Variants in SBF2 observed in about 807,000 individuals in gnomAD.
The protein encoded by SBF2 is SET binding factor 2, also known as myotubularin-related protein 13.
Under a neutral mutation model 225.2 loss-of-function variants are expected in SBF2, and 112 were observed. The ratio of observed to expected loss-of-function variants is 0.50; its 90% CI spans 0.43 to 0.58. The LOEUF (loss-of-function observed/expected upper bound fraction) is 0.58, where lower values mean the gene tolerates loss of function less well. Among genes scored for constraint, SBF2 ranks in the 20% least tolerant of loss-of-function variants. SBF2 has a pLI of 0.00. For synonymous variants in SBF2, 763 were observed against 773.3 expected, an observed-to-expected ratio of 0.99 and a Z score of 0.22; for missense variants, 1,996 against 2,206.2, an observed-to-expected ratio of 0.90 and a Z score of 1.91.
intron 2 of SBF2, among the ~76,000 whole-genome samples, chr11:10,100,539 T>C (rs558608483): frequency 6.6e-6 from 1 of 152,350 alleles, no homozygotes; most frequent in East Asian, 1.9e-4. Flanking sequence ...GTCCCATAAC[T>C]GTAGCCCTAC....
intron 16 of SBF2, among the ~76,000 whole-genome samples, chr11:9,907,504 CA>C (rs1186502796): frequency 6.6e-6 from 1 of 152,072 alleles, no homozygotes; most frequent in African/African-American, 2.4e-5. Flanking sequence ...AAAAAATAGG[CA>C]AAAGGATTTT....
intron 2 of SBF2, among the ~76,000 whole-genome samples, chr11:10,151,066 A>G (rs1292632974): frequency 6.6e-6 from 1 of 152,232 alleles, no homozygotes; most frequent in Admixed American, 6.5e-5. Context: ...CTAAAGGTTG[A>G]CATGTATTTC....
chr11:10,052,109 G>A (rs1004041143), intron 2 of SBF2, among the ~76,000 whole-genome samples: 9 of 151,580 alleles, frequency 5.9e-5, no homozygotes, highest in Admixed American at 2.6e-4. Context: ...TATACAAACA[G>A]GATAAAAATC....
intron 2 of SBF2, among the ~76,000 whole-genome samples, chr11:10,079,401 G>A (rs947867420): frequency 2.0e-5 from 3 of 152,104 alleles, no homozygotes; most frequent in African/African-American, 7.2e-5. Flanking sequence ...TATCTATAAA[G>A]CCAAACCAAA....
chr11:10,109,187 G>GTATATATA lies in SBF2; in HGVS notation c.142-66214_142-66207dup, dbSNP rs58064960. Among the ~76,000 whole-genome samples, 1,031 of 150,046 alleles carry GTATATATA rather than the reference G, an allele frequency of 6.9e-3. 3 individuals are homozygous for GTATATATA. The highest frequency in any genetic ancestry group is 9.3e-3 in the Non-Finnish European group (624 of 67,370). On this transcript the variant is annotated intron_variant, in intron 2 of 39. Coordinates refer to ENST00000256190, the MANE Select transcript of SBF2 (RefSeq NM_030962.4). Reference sequence around the variant, plus strand: ...CCACAGAAAGTTCAAAGGTATGTGTGTATATATATATATATGCAAATAGCT... The same window carrying GTATATATA: ...CCACAGAAAGTTCAAAGGTATGTGTGTATATATATATATATATATATATGCAAATAGCT...
intron 16 of SBF2, among the ~76,000 whole-genome samples, chr11:9,924,203 T>A (rs909924737): frequency 6.6e-6 from 1 of 152,200 alleles, no homozygotes; most frequent in Non-Finnish European, 1.5e-5. Context: ...TGATATGCAT[T>A]CGGTAGGGAC....
chr11:10,198,540 A>C (rs191021663), intron 1 of SBF2, among the ~76,000 whole-genome samples: 1 of 152,366 alleles, frequency 6.6e-6, no homozygotes, highest in East Asian at 1.9e-4. Flanking sequence ...GGTAAATGAG[A>C]AACAGCTTTA....
intron 26 of SBF2, chr11:9,838,523 AACTTC>A (rs1855882630): frequency 6.6e-6 from 1 of 152,350 alleles, no homozygotes; most frequent in African/African-American, 2.4e-5. Context: ...AATTTTTCAG[AACTTC>A]ATGCAAAATG....
chr11:9,974,378 C>A (rs10840338), intron 13 of SBF2, among the ~76,000 whole-genome samples: 30,615 of 151,926 alleles, frequency 0.2, 3,957 homozygotes, highest in Non-Finnish European at 0.3. Flanking sequence ...GTAGCACAGT[C>A]CCTCCAACTG....
At chr11:10,192,568 T>C (rs1261583860) in intron 2 of SBF2, among the ~76,000 whole-genome samples, 1 of 152,240 alleles carries the variant, frequency 6.6e-6, no homozygotes, top group South Asian at 2.1e-4. Context: ...AACTCATTTA[T>C]GGAAGACATT....
At chr11:9,975,390 C>CA (rs1250820300) in intron 13 of SBF2, among the ~76,000 whole-genome samples, 1 of 152,062 alleles carries the variant, frequency 6.6e-6, no homozygotes, top group African/African-American at 2.4e-5. Context: ...AAGCTAAACT[C>CA]AAAAAACTAC....
chr11:10,047,950 T>C (rs1949926822), intron 2 of SBF2, among the ~76,000 whole-genome samples: 1 of 152,204 alleles, frequency 6.6e-6, no homozygotes. Context: ...GCTGTTCCTC[T>C]ACTATACTCC....
chr11:10,035,479 C>A (rs1949399785), intron 3 of SBF2, among the ~76,000 whole-genome samples: 1 of 152,100 alleles, frequency 6.6e-6, no homozygotes, highest in South Asian at 2.1e-4. Context: ...GAACAGGCAA[C>A]CTACAGAATG....
intron 7 of SBF2, among the ~76,000 whole-genome samples, chr11:10,001,817 C>T (rs573638632): frequency 6.6e-5 from 10 of 152,038 alleles, no homozygotes; most frequent in South Asian, 2.1e-4. Context: ...TGAGCCACTG[C>T]GCCTGGCCAA....
chr11:9,921,382 A>G (rs983861762), intron 16 of SBF2, among the ~76,000 whole-genome samples: 14 of 152,106 alleles, frequency 9.2e-5, no homozygotes, highest in Admixed American at 1.3e-4. Flanking sequence ...AACTTGTTAA[A>G]TATACAAATT....
At chr11:9,882,624 C>T (rs113481154) in intron 17 of SBF2, among the ~76,000 whole-genome samples, 8,412 of 151,796 alleles carry the variant, frequency 0.055, 248 homozygotes, top group Non-Finnish European at 0.066. Flanking sequence ...CTGGCTAACA[C>T]GGTGAAACCC....
intron 16 of SBF2, among the ~76,000 whole-genome samples, chr11:9,913,578 A>C (rs1166894322): frequency 6.6e-6 from 1 of 152,058 alleles, no homozygotes; most frequent in Admixed American, 6.6e-5. Context: ...ACTTATATAC[A>C]AGTGTACTAG....
At chr11:10,102,036 G>A (rs932677270) in intron 2 of SBF2, among the ~76,000 whole-genome samples, 2 of 152,086 alleles carry the variant, frequency 1.3e-5, no homozygotes, top group Admixed American at 6.5e-5. Flanking sequence ...CCATCCAGAA[G>A]ACACGTGATT....
chr11:9,875,651 G>C (rs1859166441), intron 17 of SBF2, among the ~76,000 whole-genome samples: 1 of 152,208 alleles, frequency 6.6e-6, no homozygotes, highest in Non-Finnish European at 1.5e-5. Flanking sequence ...GTGGAACAAG[G>C]CAGGGTCAGC....
Sources: allele counts gnomAD v4.1 joint callset (sites outside exome capture counted in the v4.1 genomes callset), GRCh38; gene constraint gnomAD v4.1.1; transcripts MANE v1.5; gene names NCBI Gene and HGNC (gene_info 2026-07-23, HGNC 2026-07-21).